TBC1D22A: variants seen among roughly 807,000 people sequenced by gnomAD.
TBC1D22A encodes putative GTPase activator.
In TBC1D22A, 38 loss-of-function variants were observed where a neutral mutation model predicts 60.2. The ratio of observed to expected loss-of-function variants is 0.63; its 90% confidence interval spans 0.49 to 0.83. TBC1D22A has a LOEUF of 0.83. Among genes scored for constraint, TBC1D22A ranks in the 40% least tolerant of loss-of-function variants. TBC1D22A has a pLI of 0.00. For missense variants in TBC1D22A, 628 were observed against 701.0 expected (o/e 0.90, Z 1.18); for synonymous variants, 302 against 281.7 (o/e 1.07, Z -0.72).
intron 11 of TBC1D22A, among the ~76,000 whole-genome samples, chr22:47,064,740 C>CT (rs1471711840): frequency 1.3e-5 from 2 of 152,214 alleles, no homozygotes; most frequent in Non-Finnish European, 2.9e-5. Context: ...GATTGTCCCT[C>CT]TAAGTGTCTC....
At chr22:47,093,435 G>C (rs755479612) in intron 11 of TBC1D22A, among the ~76,000 whole-genome samples, 3 of 152,134 alleles carry the variant, frequency 2.0e-5, no homozygotes, top group Admixed American at 6.5e-5. Context: ...TGCAGGGCCA[G>C]CAGCAGCAAA....
intron 4 of TBC1D22A, among the ~76,000 whole-genome samples, chr22:46,875,496 G>T (rs1169213397): frequency 1.3e-5 from 2 of 151,830 alleles, no homozygotes; most frequent in African/African-American, 4.8e-5. Context: ...CTCCCACCCA[G>T]ACTGCGGTGC....
At chr22:46,771,894 C>T (rs935635844) in intron 1 of TBC1D22A, among the ~76,000 whole-genome samples, 1 of 152,028 alleles carries the variant, frequency 6.6e-6, no homozygotes, top group Non-Finnish European at 1.5e-5. Context: ...CATGCCTAGC[C>T]GTTAGCTCCC....
At chr22:46,845,965 C>A (rs1355146136) in intron 4 of TBC1D22A, among the ~76,000 whole-genome samples, 1 of 152,350 alleles carries the variant, frequency 6.6e-6, no homozygotes, top group South Asian at 2.1e-4. Flanking sequence ...GAGCTGGCAA[C>A]AGCCAGGGCT....
intron 1 of TBC1D22A, among the ~76,000 whole-genome samples, chr22:46,775,605 T>C (rs2083671244): frequency 6.6e-6 from 1 of 152,218 alleles, no homozygotes; most frequent in African/African-American, 2.4e-5. Flanking sequence ...GGTTGTTGGC[T>C]GTGGGCCGCA....
At position 47,173,920 on chromosome 22, in the gene TBC1D22A, A is replaced by C; in HGVS notation, c.*294A>C. The C allele has an allele frequency of 3.0e-6, 1 of 332,296 alleles. No individual in the cohort carries two copies. The highest frequency in any genetic ancestry group is 3.5e-5 in the South Asian group (1 of 28,606). The allele number at this position is 332,296 out of a possible 1,614,324, so 20.6% of individuals were successfully genotyped here. On this transcript the variant is annotated 3_prime_UTR_variant, in exon 13 of 13. Transcript: ENST00000337137. ...CTCCCTGCAATGTCCTTGCCAAATG[A>C]CTGCCTCGTGCTGCCCCTAGTCCGG... is the stretch of plus-strand genomic sequence containing the variant.
intron 10 of TBC1D22A, among the ~76,000 whole-genome samples, chr22:47,013,647 G>A (rs1210142617): frequency 6.6e-6 from 1 of 152,172 alleles, no homozygotes; most frequent in African/African-American, 2.4e-5. Flanking sequence ...TCCGGGCCAG[G>A]GCTTGCTGGG....
At chr22:47,012,224 T>G (rs1277160626) in intron 10 of TBC1D22A, among the ~76,000 whole-genome samples, 1 of 152,196 alleles carries the variant, frequency 6.6e-6, no homozygotes, top group Admixed American at 6.5e-5. Flanking sequence ...AGGTGATGCC[T>G]GCCAGGGTGC....
chr22:46,794,817 G>C (rs1165417075), intron 3 of TBC1D22A, among the ~76,000 whole-genome samples: 1 of 152,162 alleles, frequency 6.6e-6, no homozygotes, highest in Non-Finnish European at 1.5e-5. Flanking sequence ...GGGAGGCAGG[G>C]GGTGAGGGGC....
chr22:46,871,658 G>A (rs1158089332), intron 4 of TBC1D22A, among the ~76,000 whole-genome samples: 1 of 152,190 alleles, frequency 6.6e-6, no homozygotes, highest in Admixed American at 6.5e-5. Flanking sequence ...ATGACAACAG[G>A]TGTCAAAATT....
chr22:46,976,833 G>A (rs1054796584), intron 9 of TBC1D22A, among the ~76,000 whole-genome samples: 6 of 152,282 alleles, frequency 3.9e-5, no homozygotes, highest in East Asian at 1.9e-4. Context: ...TGTGGCAGCC[G>A]TCCACGCCGT....
chr22:47,144,570 C>T (rs950632320), intron 12 of TBC1D22A, among the ~76,000 whole-genome samples: 5 of 152,256 alleles, frequency 3.3e-5, no homozygotes, highest in East Asian at 1.9e-4. Context: ...AGCACATACG[C>T]GCATGCACTT....
In TBC1D22A at chr22:46,794,648, A is replaced by G. The variant is rs140278601; in HGVS notation, c.460+807A>G. ...GAGAGGGACAGATGCAGCACTGCCCACAGTCAGCAAGGGGGCACAGAGCGT... is the reference window on the plus strand; with the variant it reads ...GAGAGGGACAGATGCAGCACTGCCCGCAGTCAGCAAGGGGGCACAGAGCGT... On this transcript the variant is annotated intron_variant, in intron 3 of 12. Coordinates refer to ENST00000337137, the MANE Select transcript of TBC1D22A (RefSeq NM_014346.5). 1.1e-4 allele frequency among the ~76,000 whole-genome samples: 16 copies of G among 152,370 alleles called. No individual in the cohort carries two copies. In the East Asian group the frequency reaches 2.7e-3, roughly 26 times the overall value.
At chr22:46,868,808 G>A (rs898187084) in intron 4 of TBC1D22A, among the ~76,000 whole-genome samples, 8 of 152,084 alleles carry the variant, frequency 5.3e-5, no homozygotes, top group African/African-American at 1.9e-4. Flanking sequence ...GGTGACATTG[G>A]GATTCATTGT....
At chr22:47,109,395 T>G (rs1275578212) in intron 11 of TBC1D22A, among the ~76,000 whole-genome samples, 1 of 152,174 alleles carries the variant, frequency 6.6e-6, no homozygotes, top group African/African-American at 2.4e-5. Flanking sequence ...TGAACTTTAT[T>G]TAGTGGATGT....
At chr22:46,980,552 A>G (rs2074474619) in intron 9 of TBC1D22A, among the ~76,000 whole-genome samples, 1 of 152,254 alleles carries the variant, frequency 6.6e-6, no homozygotes, top group South Asian at 2.1e-4. Flanking sequence ...TGAAATTTAA[A>G]ACTCATTAGA....
At chr22:47,107,667 C>G (rs1056668841) in intron 11 of TBC1D22A, among the ~76,000 whole-genome samples, 2 of 152,206 alleles carry the variant, frequency 1.3e-5, no homozygotes, top group African/African-American at 4.8e-5. Context: ...GAAATCCCAG[C>G]AAGCTTTTCT....
intron 11 of TBC1D22A, among the ~76,000 whole-genome samples, chr22:47,050,983 A>G (rs1356187373): frequency 6.6e-6 from 1 of 152,154 alleles, no homozygotes; most frequent in Non-Finnish European, 1.5e-5. Context: ...GGACCTTTGC[A>G]GCCGCCTGGG....
intron 12 of TBC1D22A, among the ~76,000 whole-genome samples, chr22:47,161,360 C>T (rs1472386068): frequency 2.0e-5 from 3 of 152,176 alleles, no homozygotes; most frequent in Admixed American, 6.5e-5. Flanking sequence ...CTGGGCTTCC[C>T]GCCTGGCTGC....
Sources: gnomAD v4.1 joint callset for allele counts (sites outside exome capture counted in the v4.1 genomes callset) on GRCh38, gnomAD v4.1.1 for gene constraint, MANE v1.5 for transcripts, NCBI Gene and HGNC (gene_info 2026-07-23, HGNC 2026-07-21) for gene names.